Variants in SGO2 observed in about 807,000 individuals in gnomAD.
SGO2 encodes the protein shugoshin 2.
In SGO2, 68 loss-of-function variants were observed where a neutral mutation model predicts 99.5. The ratio of observed to expected loss-of-function variants is 0.68; its 90% CI spans 0.56 to 0.84. SGO2 has a LOEUF of 0.84. Ranked by LOEUF, SGO2 falls within the 40% of genes least tolerant of loss-of-function variation. The pLI is 0.00. For missense variants in SGO2, 1,350 were observed against 1,436.7 expected (o/e 0.94, Z 0.97); for synonymous variants, 457 against 487.1 (o/e 0.94, Z 0.81).
chr2:200,555,229 A>G (rs1275793441), intron 5 of SGO2, among the ~76,000 whole-genome samples: 2 of 152,198 alleles, frequency 1.3e-5, no homozygotes, highest in African/African-American at 4.8e-5. Context: ...AAAATGTTTT[A>G]TTTAAGCGCT....
chr2:200,553,113 G>A (rs73987488), intron 5 of SGO2, among the ~76,000 whole-genome samples: 5,738 of 152,204 alleles, frequency 0.038, 368 homozygotes, highest in African/African-American at 0.13. Flanking sequence ...GAAGGCAACA[G>A]TATGGTGAGG....
chr2:200,573,808 T>C lies in SGO2; in HGVS notation c.3462T>C (p.Ser1154=), dbSNP rs1420338909. 2 of 1,612,814 alleles carry C rather than the reference T, an allele frequency of 1.2e-6. No homozygotes were observed. Among genetic ancestry groups the C allele is most frequent in the Non-Finnish European group, 1.7e-6 (2 of 1,179,326 alleles). Residue 1154 remains serine (S), a synonymous_variant, in exon 7 of 9, where the codon AGT becomes AGC. Transcript: ENST00000357799. The part of the protein sequence containing the change: ...SPNIQDSSFD[S]VREGLVPLSV... ...ACATACAAGATTCTTCCTTTGACAG[T>C]GTTCGTGAAGGTTTAGTACCTTTGA... is the stretch of plus-strand genomic sequence containing the variant.
At chr2:200,547,944 G>A (rs547403208) in intron 5 of SGO2, among the ~76,000 whole-genome samples, 5 of 151,506 alleles carry the variant, frequency 3.3e-5, no homozygotes, top group African/African-American at 9.7e-5. Context: ...TCAACCAGAG[G>A]ATATAACAAT....
chr2:200,535,701 A>T (rs2031658988), intron 3 of SGO2, among the ~76,000 whole-genome samples: 1 of 152,066 alleles, frequency 6.6e-6, no homozygotes, highest in African/African-American at 2.4e-5. Flanking sequence ...TGGAAAAAGG[A>T]CCTACTCTAC....
intron 8 of SGO2, among the ~76,000 whole-genome samples, chr2:200,576,400 A>AC (rs1247390629): frequency 1.3e-5 from 2 of 151,840 alleles, no homozygotes; most frequent in East Asian, 3.9e-4. Context: ...ACATGGTGAA[A>AC]CCCCATCTCT....
intron 5 of SGO2, among the ~76,000 whole-genome samples, chr2:200,552,244 G>C (rs916879475): frequency 6.6e-6 from 1 of 151,966 alleles, no homozygotes; most frequent in Non-Finnish European, 1.5e-5. Context: ...TTTTGAGATA[G>C]GGTCTTGCTA....
chr2:200,578,244 G>C (rs1010268725), intron 8 of SGO2, among the ~76,000 whole-genome samples: 1 of 145,294 alleles, frequency 6.9e-6, no homozygotes, highest in Admixed American at 6.9e-5. Flanking sequence ...TATTTATCTT[G>C]TTGCTCAAGT....
chr2:200,567,940 G>A (rs919039474), intron 5 of SGO2, among the ~76,000 whole-genome samples: 30 of 152,248 alleles, frequency 2.0e-4, no homozygotes, highest in Non-Finnish European at 2.9e-4. Flanking sequence ...ATTTTTGTGT[G>A]GACATACATT....
At chr2:200,569,540 C>T in intron 5 of SGO2, 123 bp from the exon 6 acceptor site, 3 of 708,050 alleles carry the variant, frequency 4.2e-6, no homozygotes, top group Non-Finnish European at 6.9e-6. Context: ...CTTCATTGAA[C>T]TTGAAAAAGT....
At chr2:200,531,611 C>T (rs2031384896) in intron 1 of SGO2, among the ~76,000 whole-genome samples, 1 of 152,122 alleles carries the variant, frequency 6.6e-6, no homozygotes, top group Admixed American at 6.5e-5. Context: ...TTCTAGAGGA[C>T]CTCATGAGTC....
chr2:200,549,695 T>G (rs910330156), intron 5 of SGO2, among the ~76,000 whole-genome samples: 1 of 152,180 alleles, frequency 6.6e-6, no homozygotes. Flanking sequence ...TTTGGTAAAA[T>G]TCAACATCCC....
At chr2:200,566,925 A>G (rs948724791) in intron 5 of SGO2, among the ~76,000 whole-genome samples, 2 of 152,202 alleles carry the variant, frequency 1.3e-5, no homozygotes, top group African/African-American at 4.8e-5. Flanking sequence ...GGAAAAGCAC[A>G]GTATTAGGGT....
At chr2:200,542,441 T>C in intron 4 of SGO2, 138 bp from the exon 5 acceptor site, 1 of 559,672 alleles carries the variant, frequency 1.8e-6, no homozygotes. Flanking sequence ...ATTATCACAT[T>C]ATTCTCATTA....
chr2:200,565,917 G>A (rs2033169093), intron 5 of SGO2, among the ~76,000 whole-genome samples: 3 of 152,134 alleles, frequency 2.0e-5, no homozygotes, highest in Admixed American at 2.0e-4. Context: ...GCTCCATCAG[G>A]TCATTTAAGG....
intron 5 of SGO2, among the ~76,000 whole-genome samples, chr2:200,567,458 T>C (rs987436384): frequency 1.3e-5 from 2 of 152,242 alleles, no homozygotes; most frequent in Non-Finnish European, 2.9e-5. Context: ...TATAATTCAC[T>C]TAACATAAAA....
At chr2:200,565,476 T>C (rs1038855843) in intron 5 of SGO2, among the ~76,000 whole-genome samples, 26 of 152,316 alleles carry the variant, frequency 1.7e-4, no homozygotes, top group African/African-American at 6.3e-4. Context: ...CCAACCTTTC[T>C]CTCTGGCTGC....
At position 200,572,233 on chromosome 2, in the gene SGO2, G is replaced by T; in HGVS notation, c.1887G>T (p.Met629Ile). Reference sequence around the variant, plus strand: ...AAATAATTTCTGGAATGAACCACATGTATGAGGATAATGATAAAGATGTGG... The same window carrying T: ...AAATAATTTCTGGAATGAACCACATTTATGAGGATAATGATAAAGATGTGG... ...KTEIISGMNH[M>I]YEDNDKDVVH... Residue 629 changes from methionine (M) to isoleucine (I), a missense_variant, in exon 7 of 9, where the codon ATG becomes ATT. Transcript: ENST00000357799. 4 of 1,612,610 alleles carry T rather than the reference G, an allele frequency of 2.5e-6. No homozygotes were observed. The highest frequency in any genetic ancestry group is 3.4e-6 in the Non-Finnish European group (4 of 1,179,456).
intron 5 of SGO2, among the ~76,000 whole-genome samples, chr2:200,559,512 G>C (rs962718750): frequency 6.6e-6 from 1 of 151,852 alleles, no homozygotes; most frequent in Non-Finnish European, 1.5e-5. Context: ...GGGTAGTTTA[G>C]ATTATCAATT....
At chr2:200,547,666 T>C (rs191720394) in intron 5 of SGO2, among the ~76,000 whole-genome samples, 6 of 152,270 alleles carry the variant, frequency 3.9e-5, no homozygotes, top group Admixed American at 3.9e-4. Flanking sequence ...TTTTGTGGGT[T>C]TTCATATAAA....
Sources: gnomAD v4.1 joint callset for allele counts (sites outside exome capture counted in the v4.1 genomes callset) on GRCh38, gnomAD v4.1.1 for gene constraint, MANE v1.5 for transcripts, NCBI Gene and HGNC (gene_info 2026-07-23, HGNC 2026-07-21) for gene names.